CDH4: variants seen among roughly 807,000 people sequenced by gnomAD.
CDH4 encodes the protein cadherin-4.
A neutral mutation model predicts 86.0 loss-of-function variants in CDH4; 33 were observed. The ratio of observed to expected loss-of-function variants is 0.38; its 90% CI spans 0.29 to 0.51. The LOEUF is 0.51. Ranked by LOEUF, CDH4 falls within the 20% of genes least tolerant of loss-of-function variation. CDH4 has a pLI of 0.86. For synonymous variants in CDH4, 555 were observed against 549.4 expected, an observed-to-expected ratio of 1.01 and a Z score of -0.14; for missense variants, 1,114 against 1,307.4, an observed-to-expected ratio of 0.85 and a Z score of 2.28.
intron 2 of CDH4, among the ~76,000 whole-genome samples, chr20:61,576,560 G>C (rs73136696): frequency 0.1 from 15,912 of 152,098 alleles, 1,810 homozygotes; most frequent in African/African-American, 0.29. Flanking sequence ...CTCCCTGACC[G>C]GAGGCAGACA....
At chr20:61,471,669 CT>C in intron 2 of CDH4, among the ~76,000 whole-genome samples, 1 of 151,914 alleles carries the variant, frequency 6.6e-6, no homozygotes, top group Non-Finnish European at 1.5e-5. Flanking sequence ...CCTCTTAGTA[CT>C]ACTTTTGCTG....
At chr20:61,726,686 CCATCATCACCATTGGTGCTAT>C (rs1420689798) in intron 2 of CDH4, among the ~76,000 whole-genome samples, 1 of 151,388 alleles carries the variant, frequency 6.6e-6, no homozygotes, top group African/African-American at 2.4e-5. Context: ...ACCATCAGAG[CCATCATCACCATTGGTGCTAT>C]CATCATCACC....
intron 2 of CDH4, among the ~76,000 whole-genome samples, chr20:61,650,164 T>C (rs1464820910): frequency 2.0e-5 from 3 of 152,212 alleles, no homozygotes; most frequent in African/African-American, 7.2e-5. Flanking sequence ...AATTAGATCA[T>C]GTGACTGCTT....
chr20:61,310,286 T>C (rs2084438530), intron 2 of CDH4, among the ~76,000 whole-genome samples: 2 of 152,162 alleles, frequency 1.3e-5, no homozygotes, highest in Admixed American at 1.3e-4. Context: ...ACTCAGCTCA[T>C]GCTGCCATAC....
chr20:61,442,637 G>A (rs1466982186), intron 2 of CDH4, among the ~76,000 whole-genome samples: 2 of 152,214 alleles, frequency 1.3e-5, no homozygotes, highest in East Asian at 1.9e-4. Flanking sequence ...CAAAACGTGG[G>A]GTGCTTGCCT....
intron 2 of CDH4, among the ~76,000 whole-genome samples, chr20:61,292,144 G>A (rs1236844650): frequency 6.6e-6 from 1 of 152,142 alleles, no homozygotes; most frequent in African/African-American, 2.4e-5. Flanking sequence ...TATATACCCA[G>A]AGGAATGTAA....
chr20:61,545,984 A>G (rs1236174360), intron 2 of CDH4, among the ~76,000 whole-genome samples: 142 of 17,232 alleles, frequency 8.2e-3, no homozygotes, highest in Admixed American at 0.011. Context: ...GTGTGTGTGG[A>G]GGGGTGTCTG....
chr20:61,389,358 G>A (rs796577524), intron 2 of CDH4, among the ~76,000 whole-genome samples: 4 of 152,352 alleles, frequency 2.6e-5, no homozygotes, highest in African/African-American at 9.6e-5. Flanking sequence ...ACTTCGCACA[G>A]CTCCTAAACA....
chr20:61,614,336 G>A (rs1373557422), intron 2 of CDH4, among the ~76,000 whole-genome samples: 1 of 152,156 alleles, frequency 6.6e-6, no homozygotes. Context: ...AGAGCTTTCA[G>A]GCTGTTGAGC....
At position 61,582,949 on chromosome 20, in the gene CDH4, C is replaced by T. The variant is rs576837766; in HGVS notation, c.170-160614C>T. On this transcript the variant is annotated intron_variant, in intron 2 of 15. Coordinates refer to ENST00000614565, the MANE Select transcript of CDH4 (RefSeq NM_001794.5). The surrounding 1 kb of genome is among the most constrained non-coding windows in gnomAD (Gnocchi z 4.2). ...CCGCCTTCTGCGCCCCCATGGCCCCCGGCCCTAGGCAGCCACTAATCTACT... is the reference window on the plus strand; with the variant it reads ...CCGCCTTCTGCGCCCCCATGGCCCCTGGCCCTAGGCAGCCACTAATCTACT... Among the ~76,000 whole-genome samples the T allele has an allele frequency of 1.3e-5, 2 of 152,164 alleles. No homozygotes were observed. Among genetic ancestry groups the T allele is most frequent in the Admixed American group, 1.3e-4 (2 of 15,306 alleles).
At chr20:61,814,427 A>G (rs1352889587) in intron 4 of CDH4, among the ~76,000 whole-genome samples, 9 of 152,156 alleles carry the variant, frequency 5.9e-5, no homozygotes, top group Non-Finnish European at 1.3e-4. Context: ...GGCAGCATTG[A>G]CCTGGGAGGC....
chr20:61,902,285 A>G lies in CDH4; in HGVS notation c.1188+7238A>G, dbSNP rs940385719. 6.6e-6 allele frequency among the ~76,000 whole-genome samples: 1 copy of G among 151,972 alleles called. No homozygotes were observed. The highest frequency in any genetic ancestry group is 2.4e-5 in the African/African-American group (1 of 41,358). On this transcript the variant is annotated intron_variant, in intron 8 of 15. Coordinates refer to ENST00000614565, the MANE Select transcript of CDH4 (RefSeq NM_001794.5). The surrounding 1 kb of genome is among the most constrained non-coding windows in gnomAD (Gnocchi z 4.6). Reference sequence around the variant, plus strand: ...TCAAGCCGGGGCCTCTGAAACCAGGACCCCCGGGGCCTCCATTCCAGGAGA... The same window carrying G: ...TCAAGCCGGGGCCTCTGAAACCAGGGCCCCCGGGGCCTCCATTCCAGGAGA...
intron 2 of CDH4, among the ~76,000 whole-genome samples, chr20:61,521,300 C>T (rs6089236): frequency 0.13 from 20,403 of 152,144 alleles, 1,873 homozygotes; most frequent in East Asian, 0.42. Context: ...AGAGGAGGGG[C>T]AGCTAGACAG....
intron 2 of CDH4, among the ~76,000 whole-genome samples, chr20:61,282,547 A>G (rs75522800): frequency 8.4e-5 from 11 of 130,224 alleles, no homozygotes; most frequent in African/African-American, 2.0e-4. Flanking sequence ...GTGTGTGTGC[A>G]TGTGTGTGTG....
At chr20:61,928,823 T>C (rs1013263003) in intron 12 of CDH4, among the ~76,000 whole-genome samples, 1 of 152,340 alleles carries the variant, frequency 6.6e-6, no homozygotes, top group Admixed American at 6.5e-5. Context: ...ACTGTGAAAA[T>C]GTGCTCTAAA....
chr20:61,871,039 ATGTGTGTGTGTG>A (rs10590544), intron 6 of CDH4, among the ~76,000 whole-genome samples: 1 of 149,754 alleles, frequency 6.7e-6, no homozygotes, highest in Non-Finnish European at 1.5e-5. Context: ...TATTTATAGG[ATGTGTGTGTGTG>A]TGTGTGTGTG....
intron 7 of CDH4, among the ~76,000 whole-genome samples, chr20:61,885,748 A>G (rs989458292): frequency 3.3e-5 from 5 of 152,154 alleles, no homozygotes; most frequent in African/African-American, 1.2e-4. Flanking sequence ...ACAGCATCTA[A>G]TCTTCATGCC....
At chr20:61,763,749 A>G (rs1258874347) in intron 3 of CDH4, among the ~76,000 whole-genome samples, 1 of 151,982 alleles carries the variant, frequency 6.6e-6, no homozygotes, top group Non-Finnish European at 1.5e-5. Context: ...TTCACCTCTG[A>G]GTGTTTTAGC....
chr20:61,617,286 G>A (rs770068497), intron 2 of CDH4, among the ~76,000 whole-genome samples: 4 of 152,138 alleles, frequency 2.6e-5, no homozygotes, highest in South Asian at 2.1e-4. Context: ...CACTCTATCC[G>A]CAGATGTGTC....
Sources: gnomAD v4.1 joint callset for allele counts (sites outside exome capture counted in the v4.1 genomes callset) on GRCh38, gnomAD v4.1.1 for gene constraint, Gnocchi (gnomAD v3.1) non-coding constraint, MANE v1.5 for transcripts, NCBI Gene and HGNC (gene_info 2026-07-23, HGNC 2026-07-21) for gene names.